The following SLC37A2 variants were observed in gnomAD, a reference collection of about 807,000 sequenced individuals.
SLC37A2 encodes glucose-6-phosphate exchanger SLC37A2.
In SLC37A2, 59 loss-of-function variants were observed where a neutral mutation model predicts 70.7. The ratio of observed to expected loss-of-function variants is 0.83; its 90% CI spans 0.68 to 1.04. SLC37A2 has a LOEUF of 1.04. Ranked by LOEUF, SLC37A2 falls within the 50% of genes least tolerant of loss-of-function variation. The probability of loss-of-function intolerance (pLI) is 0.00; values close to 1 mark genes in which losing one functional copy is unlikely to be tolerated. For synonymous variants in SLC37A2, 257 were observed against 262.1 expected (o/e 0.98, Z 0.19); for missense variants, 580 against 658.1 (o/e 0.88, Z 1.30).
At chr11:125,075,665 A>G (rs1949077849) in intron 1 of SLC37A2, among the ~76,000 whole-genome samples, 1 of 152,236 alleles carries the variant, frequency 6.6e-6, no homozygotes, top group African/African-American at 2.4e-5. Flanking sequence ...CCCAAGCCCA[A>G]TTCAGCCTTC....
At chr11:125,069,317 A>G (rs960916752) in intron 1 of SLC37A2, among the ~76,000 whole-genome samples, 1 of 152,246 alleles carries the variant, frequency 6.6e-6, no homozygotes, top group African/African-American at 2.4e-5. Context: ...TCGTAAGCCC[A>G]TGGTCTTTCC....
chr11:125,078,961 A>G (rs939182233), intron 4 of SLC37A2, 151 bp from the exon 5 acceptor site: 8 of 887,654 alleles, frequency 9.0e-6, no homozygotes, highest in Non-Finnish European at 1.4e-5. Flanking sequence ...GCAGTGGGGG[A>G]CAGAGGTTGG....
At chr11:125,087,990 C>T (rs1360430694) in intron 17 of SLC37A2, 129 bp from the exon 18 acceptor site, 4 of 1,005,314 alleles carry the variant, frequency 4.0e-6, no homozygotes, top group Non-Finnish European at 6.0e-6. Flanking sequence ...AGGGAGGCCT[C>T]ATTACAGAGA....
At chr11:125,070,490 A>G (rs1185825491) in intron 1 of SLC37A2, among the ~76,000 whole-genome samples, 2 of 152,204 alleles carry the variant, frequency 1.3e-5, no homozygotes, top group Non-Finnish European at 2.9e-5. Context: ...AACTTGCCCA[A>G]GGTCACATTA....
chr11:125,076,995 C>T (rs1407293066), intron 2 of SLC37A2, among the ~76,000 whole-genome samples, 157 bp downstream of exon 2: 2 of 152,206 alleles, frequency 1.3e-5, no homozygotes, highest in Non-Finnish European at 2.9e-5. Context: ...TTCCCCAAGA[C>T]AGCTGTGTCG....
chr11:125,085,789 G>T, intron 16 of SLC37A2, 115 bp downstream of exon 16: 1 of 1,304,698 alleles, frequency 7.7e-7, no homozygotes, highest in Non-Finnish European at 1.1e-6. Flanking sequence ...GAGAGCAGCT[G>T]CCCTTTGCTC....
chr11:125,071,853 A>AGGGGGGGGGGCTGGGGG (rs71042470), intron 1 of SLC37A2, among the ~76,000 whole-genome samples: 1 of 64,400 alleles, frequency 1.6e-5, no homozygotes. Flanking sequence ...CTTGTGGGGG[A>AGGGGGGGGGGCTGGGGG]GGGGGGGTGG....
rs58437183 is a variant in SLC37A2, at chr11:125,086,417, G to A, written c.1490+399G>A. ...CTCAGCAGAGCATGGTGCTTGGGAA[G>A]TGTTTTCCAAGGGGTCTGAGATGCC... On this transcript the variant is annotated intron_variant, in intron 17 of 17. Coordinates refer to ENST00000403796, the MANE Select transcript of SLC37A2 (RefSeq NM_001145290.2). 5.8e-4 allele frequency: 397 copies of A among 690,280 alleles called. 3 individuals carry two copies. In the East Asian group the frequency reaches 9.9e-3, roughly 17 times the overall value. The allele number at this position is 690,280 out of a possible 1,614,324, so 42.8% of individuals were successfully genotyped here. A position where few individuals can be genotyped will look rare whatever the true frequency, so the allele number is the denominator to read the frequency against.
chr11:125,088,030 C>T (rs1591636532), intron 17 of SLC37A2, 89 bp from the exon 18 acceptor site: 3 of 1,441,412 alleles, frequency 2.1e-6, no homozygotes, highest in East Asian at 5.0e-5. Flanking sequence ...TGAAGGGACC[C>T]TGGGACCCTG....
At chr11:125,067,901 C>T (rs1052801960) in intron 1 of SLC37A2, among the ~76,000 whole-genome samples, 2 of 152,102 alleles carry the variant, frequency 1.3e-5, no homozygotes, top group African/African-American at 4.8e-5. Context: ...GTTTCAATAC[C>T]ATGTATACAA....
chr11:125,081,687 T>G, intron 8 of SLC37A2, 67 bp from the exon 9 acceptor site: 1 of 1,513,430 alleles, frequency 6.6e-7, no homozygotes, highest in South Asian at 1.3e-5. Flanking sequence ...TTGCCTGGGC[T>G]GCACCTTCAG....
rs1949256479 is a variant in SLC37A2 at position 125,089,122 on chromosome 11, A to G, written c.*988A>G. The G allele has an allele frequency of 6.6e-6, 1 of 152,186 alleles. No homozygotes were observed. Among genetic ancestry groups the G allele is most frequent in the African/African-American group, 2.4e-5 (1 of 41,400 alleles). 9.4% of individuals were successfully genotyped at this position (152,186 alleles called of 1,614,324 possible). A position where few individuals can be genotyped will look rare whatever the true frequency, so the allele number is the denominator to read the frequency against. On this transcript the variant is annotated 3_prime_UTR_variant, in exon 18 of 18. Transcript: ENST00000403796. ...CTGCTGCTCCCTTTTCCACTTTTCT[A>G]TGTCCTCCTTCCACCCCAAGTCCCG...
Position 125,085,939 on chromosome 11 carries a change from C to T in SLC37A2, c.1426-15C>T, listed in dbSNP as rs1247716576. The T allele has an allele frequency of 1.9e-6, 3 of 1,613,162 alleles. No individual in the cohort carries two copies. In the African/African-American group the frequency reaches 4.0e-5, roughly 22 times the overall value. On this transcript the variant is annotated splice_polypyrimidine_tract_variant and intron_variant, in intron 16 of 17. Transcript: ENST00000403796. Reference sequence around the variant, plus strand: ...AACAGTGCCCTCCCTTCCCTCTGTGCCTTGTGCTCCACAGCTCCTTTGCCG... The same window carrying T: ...AACAGTGCCCTCCCTTCCCTCTGTGTCTTGTGCTCCACAGCTCCTTTGCCG...
intron 4 of SLC37A2, among the ~76,000 whole-genome samples, chr11:125,078,703 G>A (rs1949115316): frequency 6.6e-6 from 1 of 152,100 alleles, no homozygotes; most frequent in Non-Finnish European, 1.5e-5. Context: ...TTATTTAAAT[G>A]CCCCGGGGGC....
chr11:125,077,200 C>G, intron 2 of SLC37A2, 30 bp from the exon 3 acceptor site: 1 of 1,535,806 alleles, frequency 6.5e-7, no homozygotes, highest in Non-Finnish European at 8.8e-7. Flanking sequence ...TGGGTCAACC[C>G]CTGACCTGTA....
chr11:125,085,300 C>T (rs1004047796), intron 14 of SLC37A2, 95 bp from the exon 15 acceptor site: 2 of 1,366,650 alleles, frequency 1.5e-6, no homozygotes, highest in Non-Finnish European at 2.0e-6. Context: ...GCCCAAACCC[C>T]AGTTACCACC....
intron 2 of SLC37A2, 40 bp downstream of exon 2, chr11:125,076,878 C>T (rs374413216): frequency 1.7e-5 from 27 of 1,599,464 alleles, no homozygotes; most frequent in African/African-American, 4.0e-5. Context: ...CAGAAGCACA[C>T]TGTCGTAACC....
rs1949187958 is a variant in SLC37A2, at chr11:125,084,840, T to C, written c.1141T>C (p.Tyr381His). 6.2e-7 allele frequency: 1 copy of C among 1,613,560 alleles called. No individual in the cohort carries two copies. The highest frequency in any genetic ancestry group is 1.7e-5 in the Admixed American group (1 of 59,976). ...CCTCTCTCAGATGTTCCTGTACAAC[T>C]ACATTGGCCAGGACGGGATTGCCAG... ...LAAPMMFLYN[Y>H]IGQDGIASSI... Residue 381 changes from tyrosine to histidine, a missense_variant, in exon 13 of 18, where the codon TAC becomes CAC. Physicochemically the swap from Tyr to His is moderately conservative, Grantham distance 83. Transcript: ENST00000403796.
chr11:125,067,596 T>C (rs1252287967), intron 1 of SLC37A2, among the ~76,000 whole-genome samples: 1 of 152,246 alleles, frequency 6.6e-6, no homozygotes, highest in Non-Finnish European at 1.5e-5. Flanking sequence ...CACCTCTCTT[T>C]TTAAAAGATG....
Sources: gnomAD v4.1 joint callset for allele counts (sites outside exome capture counted in the v4.1 genomes callset) on GRCh38, gnomAD v4.1.1 for gene constraint, MANE v1.5 for transcripts, NCBI Gene and HGNC (gene_info 2026-07-23, HGNC 2026-07-21) for gene names.